The following FNDC3B variants were observed in gnomAD, a reference collection of about 807,000 sequenced individuals.
FNDC3B encodes the protein fibronectin type III domain-containing protein 3B.
Under a neutral mutation model 151.5 loss-of-function variants are expected in FNDC3B, and 12 were observed. That is an observed-to-expected ratio of 0.08 (90% CI 0.05 to 0.13). The LOEUF (loss-of-function observed/expected upper bound fraction) is 0.13, where lower values mean the gene tolerates loss of function less well. Among genes scored for constraint, FNDC3B ranks in the 10% least tolerant of loss-of-function variants. FNDC3B has a pLI of 1.00. For missense variants in FNDC3B, 1,214 were observed against 1,505.3 expected (o/e 0.81, Z 3.20); for synonymous variants, 528 against 549.0 (o/e 0.96, Z 0.54).
At chr3:172,323,555 A>G (rs1253071741) in intron 11 of FNDC3B, among the ~76,000 whole-genome samples, 2 of 152,200 alleles carry the variant, frequency 1.3e-5, no homozygotes, top group African/African-American at 2.4e-5. Context: ...ATTTGGAAAC[A>G]GTATTTCTCC....
chr3:172,112,301 C>G (rs532140780), intron 1 of FNDC3B, among the ~76,000 whole-genome samples, 151 bp from the exon 2 acceptor site: 15 of 152,312 alleles, frequency 9.8e-5, no homozygotes, highest in South Asian at 4.1e-4. Context: ...TGTTCTACCC[C>G]TCTTTGGGGC....
At position 172,295,478 on chromosome 3, in the gene FNDC3B, A is replaced by G; in HGVS notation, c.965A>G (p.Asp322Gly). ...TACAGTTACGAGGTGGCCTTATCAG[A>G]CAAAGGACGAGATGGAAAATACAAG... is the stretch of plus-strand genomic sequence containing the variant. ...FPYSYEVALSDKGRDGKYKII... is the reference protein window; with the variant it reads ...FPYSYEVALSGKGRDGKYKII... Residue 322 changes from aspartate to glycine, a missense_variant, in exon 8 of 26, where the codon GAC becomes GGC. Physicochemically the swap from Asp to Gly is moderately conservative, Grantham distance 94. This residue lies in a region of FNDC3B where 156 missense variants were observed against 225.3 expected (regional missense o/e 0.69). Transcript: ENST00000415807. The G allele has an allele frequency of 1.2e-6, 2 of 1,614,112 alleles. No homozygotes were observed. The highest frequency in any genetic ancestry group is 1.7e-6 in the Non-Finnish European group (2 of 1,179,940).
chr3:172,126,846 A>T lies in FNDC3B; in HGVS notation c.112-6625A>T, dbSNP rs143925893. The T allele has an allele frequency of 1.0e-3, 292 of 292,542 alleles. 5 individuals are homozygous for T. The East Asian group carries it at 0.02, about 20-fold the overall frequency. The allele number at this position is 292,542 out of a possible 1,614,324, so 18.1% of individuals were successfully genotyped here. A position where few individuals can be genotyped will look rare whatever the true frequency, so the allele number is the denominator to read the frequency against. ...CTTTTTATTGCTGGCTTTTGTTATG[A>T]TAATCTTAATTAGAAGCATTTCCAA... On this transcript the variant is annotated intron_variant, in intron 2 of 25. Coordinates refer to ENST00000415807, the MANE Select transcript of FNDC3B (RefSeq NM_022763.4).
chr3:172,393,197 G>A (rs1299833395), intron 25 of FNDC3B, among the ~76,000 whole-genome samples: 1 of 151,984 alleles, frequency 6.6e-6, no homozygotes, highest in Non-Finnish European at 1.5e-5. Flanking sequence ...GTTGGAAAAA[G>A]ATACTCCATG....
intron 22 of FNDC3B, among the ~76,000 whole-genome samples, chr3:172,360,985 A>G (rs1042082757): frequency 5.9e-5 from 9 of 152,108 alleles, no homozygotes; most frequent in Non-Finnish European, 1.2e-4. Context: ...CTTATAATAA[A>G]CTGTAGGCTG....
intron 7 of FNDC3B, among the ~76,000 whole-genome samples, chr3:172,288,794 C>G (rs972039915): frequency 6.6e-6 from 1 of 152,204 alleles, no homozygotes; most frequent in African/African-American, 2.4e-5. Context: ...GTGGGCGTCT[C>G]TGGACACAGT....
At chr3:172,311,268 C>T (rs1169606679) in intron 11 of FNDC3B, among the ~76,000 whole-genome samples, 2 of 152,122 alleles carry the variant, frequency 1.3e-5, no homozygotes, top group East Asian at 3.9e-4. Context: ...TTTGCTTTTC[C>T]TTTTTGAATG....
At chr3:172,147,380 C>A (rs185399942) in intron 3 of FNDC3B, among the ~76,000 whole-genome samples, 2 of 151,716 alleles carry the variant, frequency 1.3e-5, no homozygotes, top group African/African-American at 4.8e-5. Flanking sequence ...AGCTGATAAG[C>A]TGCTGTGAGC....
At chr3:172,138,140 C>T (rs1362656791) in intron 3 of FNDC3B, among the ~76,000 whole-genome samples, 1 of 152,214 alleles carries the variant, frequency 6.6e-6, no homozygotes, top group South Asian at 2.1e-4. Context: ...AGGCCTCTTT[C>T]TTCCAAGAGC....
chr3:172,255,376 C>A (rs1728279386), intron 6 of FNDC3B, among the ~76,000 whole-genome samples: 1 of 152,174 alleles, frequency 6.6e-6, no homozygotes, highest in African/African-American at 2.4e-5. Flanking sequence ...TCAAGCGATT[C>A]TTCTGCCTCA....
chr3:172,237,480 G>A (rs1421044159), intron 4 of FNDC3B: 1 of 152,398 alleles, frequency 6.6e-6, no homozygotes, highest in African/African-American at 2.4e-5. Flanking sequence ...AAGGAGGGGT[G>A]AATTGGCCCA....
intron 13 of FNDC3B, 111 bp from the exon 14 acceptor site, chr3:172,332,966 TGCCAGACCTCTG>T: frequency 2.7e-6 from 2 of 748,626 alleles, no homozygotes; most frequent in East Asian, 4.9e-5. Context: ...TTGCGGTAGC[TGCCAGACCTCTG>T]GCCAGTTGCT....
At chr3:172,173,108 A>G (rs929718634) in intron 3 of FNDC3B, among the ~76,000 whole-genome samples, 1 of 151,540 alleles carries the variant, frequency 6.6e-6, no homozygotes, top group Non-Finnish European at 1.5e-5. Context: ...AAGTCAGAGG[A>G]AAAAAAAACT....
chr3:172,173,528 C>T (rs947044524), intron 3 of FNDC3B, among the ~76,000 whole-genome samples: 2 of 151,228 alleles, frequency 1.3e-5, no homozygotes, highest in African/African-American at 4.9e-5. Context: ...GGTGTGGTGG[C>T]TCACACCTGT....
At chr3:172,057,559 C>T (rs1046446366) in intron 1 of FNDC3B, among the ~76,000 whole-genome samples, 3 of 151,996 alleles carry the variant, frequency 2.0e-5, no homozygotes, top group Non-Finnish European at 4.4e-5. Context: ...CTTTTACTGG[C>T]AGGTTTTTTT....
intron 6 of FNDC3B, among the ~76,000 whole-genome samples, chr3:172,270,815 C>A (rs180841676): frequency 6.6e-6 from 1 of 152,328 alleles, no homozygotes; most frequent in East Asian, 1.9e-4. Flanking sequence ...TGCTTTTCAT[C>A]TAAAAAATTT....
At position 172,070,797 on chromosome 3, in the gene FNDC3B, C is replaced by T. The variant is rs138592812; in HGVS notation, c.-29+31026C>T. 1.8e-3 allele frequency among the ~76,000 whole-genome samples: 274 copies of T among 152,298 alleles called. 1 individual carries two copies. The highest frequency in any genetic ancestry group is 2.8e-3 in the Admixed American group (43 of 15,306). The stretch of plus-strand genomic sequence containing the variant: ...TCGTGCCAGTCTTGTTTCATCTTTA[C>T]CCGTTTTCATTCTCTGCTCCTTGCT... On this transcript the variant is annotated intron_variant, in intron 1 of 25. Transcript: ENST00000415807.
chr3:172,127,009 G>A (rs923468954), intron 2 of FNDC3B: 1 of 456,588 alleles, frequency 2.2e-6, no homozygotes, highest in Non-Finnish European at 4.4e-6. Context: ...TGGGAGGTGA[G>A]CCCTTAAGGA....
At chr3:172,232,616 T>C (rs78487814) in intron 4 of FNDC3B, among the ~76,000 whole-genome samples, 8 of 152,340 alleles carry the variant, frequency 5.3e-5, no homozygotes, top group Middle Eastern at 3.4e-3. Context: ...AGAGGGATTC[T>C]TTTCAACTTG....
Sources: gnomAD v4.1 joint callset for allele counts (sites outside exome capture counted in the v4.1 genomes callset) on GRCh38, gnomAD v4.1.1 for gene constraint, gnomAD v4.1.1 regional missense constraint, MANE v1.5 for transcripts, NCBI Gene and HGNC (gene_info 2026-07-23, HGNC 2026-07-21) for gene names.